DMAC2: variants seen among roughly 807,000 people sequenced by gnomAD.
The protein encoded by DMAC2 is distal membrane arm assembly component 2.
DMAC2 carries 32 observed loss-of-function variants against 29.6 expected under a neutral mutation model. The ratio of observed to expected loss-of-function variants is 1.08; its 90% CI spans 0.81 to 1.45. The LOEUF (loss-of-function observed/expected upper bound fraction) is 1.45. DMAC2 is among the 40% of genes most tolerant of loss of function. The pLI is 0.00. For missense variants in DMAC2, 319 were observed against 340.0 expected, an observed-to-expected ratio of 0.94 and a Z score of 0.49; for synonymous variants, 133 against 137.4, an observed-to-expected ratio of 0.97 and a Z score of 0.23.
rs1299683834 is a variant in DMAC2 at position 41,431,998 on chromosome 19, G to A, written c.*233C>T. The stretch of plus-strand genomic sequence containing the variant: ...ACAGCCTGAGCCTTTACCTCCCCAG[G>A]CCTGAACAGGGGCATGGAAAGGGCT... On this transcript the variant is annotated 3_prime_UTR_variant, in exon 6 of 6. Transcript: ENST00000221943. 8 of 582,840 alleles carry A rather than the reference G, an allele frequency of 1.4e-5. No individual in the cohort carries two copies. Among genetic ancestry groups the A allele is most frequent in the Admixed American group, 6.1e-5 (2 of 32,742 alleles). The allele number at this position is 582,840 out of a possible 1,614,324, so 36.1% of individuals were successfully genotyped here.
In DMAC2 at chr19:41,433,385, C is replaced by A. The variant is rs139865597; in HGVS notation, c.483G>T (p.Val161=). Residue 161 remains valine, a synonymous_variant, in exon 5 of 6, where the codon GTG becomes GTT. Transcript: ENST00000221943. ...QSLSLQRCCH[V]DDWCLSRLYP... ...AGAGGCGGCTGAGACACCAGTCGTCCACGTGGCAGCAGCGCTGCAGCGACA... is the reference window on the plus strand; with the variant it reads ...AGAGGCGGCTGAGACACCAGTCGTCAACGTGGCAGCAGCGCTGCAGCGACA... 1 of 1,613,158 alleles carries A rather than the reference C, an allele frequency of 6.2e-7. No individual in the cohort carries two copies. The highest frequency in any genetic ancestry group is 2.2e-5 in the East Asian group (1 of 44,894).
rs1555771852 is a variant in DMAC2 at position 41,438,356 on chromosome 19, C to T, written c.77G>A (p.Gly26Asp). The change falls in exon 2 of 6, where the codon GGT becomes GAT. Residue 26 changes from glycine to aspartate, a missense_variant. By Grantham distance (94) the Gly-to-Asp change is moderately conservative (BLOSUM62 -1). Transcript: ENST00000221943. The stretch of plus-strand genomic sequence containing the variant: ...ATTGCCCTCTGGGGCCACTGCCGCA[C>T]CCAGGCGATGGATGCCCCTGATACG... ...NGRIRGIHRLGAAVAPEGNQK... is the reference protein window; with the variant it reads ...NGRIRGIHRLDAAVAPEGNQK... 2.5e-6 allele frequency: 4 copies of T among 1,614,240 alleles called. No individual in the cohort carries two copies. Among genetic ancestry groups the T allele is most frequent in the Non-Finnish European group, 2.5e-6 (3 of 1,180,050 alleles).
intron 3 of DMAC2, among the ~76,000 whole-genome samples, chr19:41,435,275 T>C (rs1177485618): frequency 6.6e-6 from 1 of 151,532 alleles, no homozygotes; most frequent in Non-Finnish European, 1.5e-5. Context: ...CCAGCCATTA[T>C]TATTATTATT....
At chr19:41,435,706 T>C (rs1011917994) in intron 3 of DMAC2, among the ~76,000 whole-genome samples, 2 of 151,946 alleles carry the variant, frequency 1.3e-5, no homozygotes, top group African/African-American at 2.4e-5. Flanking sequence ...ACCACAGGCA[T>C]GTGCCACCAT....
At chr19:41,432,781 TGC>T (rs1274280122) in intron 5 of DMAC2, 116 of 246,328 alleles carry the variant, frequency 4.7e-4, no homozygotes, top group East Asian at 1.3e-3. Flanking sequence ...CAGGACAGCG[TGC>T]GTGTGTGTGT....
At chr19:41,438,498 C>T (rs781931648) in intron 1 of DMAC2, 84 bp from the exon 2 acceptor site, 106 of 1,141,876 alleles carry the variant, frequency 9.3e-5, no homozygotes, top group Middle Eastern at 5.9e-4. Context: ...GCTCCATGAA[C>T]CTCAATCCCT....
intron 3 of DMAC2, among the ~76,000 whole-genome samples, chr19:41,434,937 TGGA>T (rs781958513): frequency 4.0e-5 from 6 of 149,358 alleles, no homozygotes; most frequent in Non-Finnish European, 7.4e-5. Flanking sequence ...ACCCAGGAGA[TGGA>T]GGTTGCAGTG....
intron 2 of DMAC2, among the ~76,000 whole-genome samples, chr19:41,436,966 C>A (rs2039895783): frequency 6.6e-6 from 1 of 152,150 alleles, no homozygotes; most frequent in Admixed American, 6.5e-5. Flanking sequence ...GGATGTCATG[C>A]TGAAGGGGCC....
intron 1 of DMAC2, chr19:41,439,535 C>G (rs1486129458): frequency 2.0e-6 from 3 of 1,536,846 alleles, no homozygotes; most frequent in East Asian, 2.4e-5. Context: ...TCCAAGCTCT[C>G]TTATCCTACA....
intron 1 of DMAC2, 95 bp downstream of exon 1, chr19:41,439,787 G>C: frequency 6.3e-7 from 1 of 1,587,424 alleles, no homozygotes; most frequent in Non-Finnish European, 8.6e-7. Flanking sequence ...GCTGCCTCAC[G>C]GCTTTCTGCT....
intron 3 of DMAC2, among the ~76,000 whole-genome samples, chr19:41,434,938 G>C (rs989956831): frequency 6.6e-6 from 1 of 151,876 alleles, no homozygotes; most frequent in Non-Finnish European, 1.5e-5. Flanking sequence ...CCCAGGAGAT[G>C]GAGGTTGCAG....
At position 41,431,437 on chromosome 19, in the gene DMAC2, G is replaced by A. The variant is rs2039506139; in HGVS notation, c.*794C>T. 1 of 416,812 alleles carries A rather than the reference G, an allele frequency of 2.4e-6. No homozygotes were observed. The highest frequency in any genetic ancestry group is 2.0e-5 in the African/African-American group (1 of 49,028). The allele number at this position is 416,812 out of a possible 1,614,324, so 25.8% of individuals were successfully genotyped here. On this transcript the variant is annotated 3_prime_UTR_variant, in exon 6 of 6. Coordinates refer to ENST00000221943, the MANE Select transcript of DMAC2 (RefSeq NM_018035.3). ...ACTGGAAATCCATTTGGGGTGCTGGGGAACGTTATTCCCAGAGAGGTGCCT... is the reference window on the plus strand; with the variant it reads ...ACTGGAAATCCATTTGGGGTGCTGGAGAACGTTATTCCCAGAGAGGTGCCT...
At chr19:41,436,586 A>G (rs1234617620) in intron 2 of DMAC2, 114 bp from the exon 3 acceptor site, 2 of 848,184 alleles carry the variant, frequency 2.4e-6, no homozygotes, top group African/African-American at 1.7e-5. Context: ...AGACAGATTC[A>G]GTCAGGCTGA....
rs1184667099 is a variant in DMAC2, at chr19:41,431,655, C to G, written c.*576G>C. 4 of 262,868 alleles carry G rather than the reference C, an allele frequency of 1.5e-5. No individual in the cohort carries two copies. Among genetic ancestry groups the G allele is most frequent in the African/African-American group, 9.0e-5 (4 of 44,596 alleles). The allele number at this position is 262,868 out of a possible 1,614,324, so 16.3% of individuals were successfully genotyped here. A position where few individuals can be genotyped will look rare whatever the true frequency, so the allele number is the denominator to read the frequency against. On this transcript the variant is annotated 3_prime_UTR_variant, in exon 6 of 6. Transcript: ENST00000221943. ...TCCTATAATGCCTGTTTGGTGCCCT[C>G]TACTGACAAAGCTTATCCCCTTTCA...
At chr19:41,436,532 C>T in intron 2 of DMAC2, 60 bp from the exon 3 acceptor site, 1 of 1,383,612 alleles carries the variant, frequency 7.2e-7, no homozygotes, top group Non-Finnish European at 1.0e-6. Flanking sequence ...CTCACGATGC[C>T]CCAGTGCTGT....
intron 1 of DMAC2, 196 bp downstream of exon 1, chr19:41,439,686 G>A (rs1168420526): frequency 1.5e-6 from 2 of 1,309,942 alleles, no homozygotes; most frequent in African/African-American, 2.9e-5. Flanking sequence ...TCGCTAAAGC[G>A]TCTCCTCCGC....
At position 41,432,057 on chromosome 19, in the gene DMAC2, C is replaced by T. The variant is rs946432697; in HGVS notation, c.*174G>A. 49 of 723,232 alleles carry T rather than the reference C, an allele frequency of 6.8e-5. No individual in the cohort carries two copies. The highest frequency in any genetic ancestry group is 9.4e-5 in the Non-Finnish European group (42 of 447,560). 44.8% of individuals were successfully genotyped at this position (723,232 alleles called of 1,614,324 possible). Reference sequence around the variant, plus strand: ...GGGTGACAGGAGCTGTGACCTTTAGCCAAGGGCAGCCAGGAATAAATACTG... The same window carrying T: ...GGGTGACAGGAGCTGTGACCTTTAGTCAAGGGCAGCCAGGAATAAATACTG... On this transcript the variant is annotated 3_prime_UTR_variant, in exon 6 of 6. Coordinates refer to ENST00000221943, the MANE Select transcript of DMAC2 (RefSeq NM_018035.3).
At chr19:41,434,237 A>AAC (rs1384884954) in intron 3 of DMAC2, among the ~76,000 whole-genome samples, 6 of 151,484 alleles carry the variant, frequency 4.0e-5, no homozygotes, top group African/African-American at 1.5e-4. Flanking sequence ...TCCATCTCAA[A>AAC]AAAAAAACAA....
In DMAC2 at chr19:41,438,340, T is replaced by C; in HGVS notation, c.93A>G (p.Pro31=). ...TCCTTTTCTTCTTCTGATTGCCCTC[T>C]GGGGCCACTGCCGCACCCAGGCGAT... ...GIHRLGAAVA[P]EGNQKKKRTI... The change falls in exon 2 of 6, where the codon CCA becomes CCG. Residue 31 remains proline, a synonymous_variant. Coordinates refer to ENST00000221943, the MANE Select transcript of DMAC2 (RefSeq NM_018035.3). 2 of 1,614,246 alleles carry C rather than the reference T, an allele frequency of 1.2e-6. No individual in the cohort carries two copies. Among genetic ancestry groups the C allele is most frequent in the Non-Finnish European group, 1.7e-6 (2 of 1,180,034 alleles).
Sources: allele counts gnomAD v4.1 joint callset (sites outside exome capture counted in the v4.1 genomes callset), GRCh38; gene constraint gnomAD v4.1.1; transcripts MANE v1.5; gene names NCBI Gene and HGNC (gene_info 2026-07-23, HGNC 2026-07-21).